KCNMA1: variants seen among roughly 807,000 people sequenced by gnomAD.
KCNMA1 encodes the protein potassium calcium-activated channel subfamily M alpha 1.
In KCNMA1, 29 loss-of-function variants were observed where a neutral mutation model predicts 140.0. The ratio of observed to expected loss-of-function variants is 0.21; its 90% confidence interval spans 0.15 to 0.28. The LOEUF (loss-of-function observed/expected upper bound fraction) is 0.28, where lower values mean the gene tolerates loss of function less well. Among genes scored for constraint, KCNMA1 ranks in the 10% least tolerant of loss-of-function variants. The probability of loss-of-function intolerance (pLI) is 1.00; values close to 1 mark genes in which losing one functional copy is unlikely to be tolerated. For synonymous variants in KCNMA1, 612 were observed against 611.9 expected, an observed-to-expected ratio of 1.00 and a Z score of 0.00; for missense variants, 880 against 1,602.2, an observed-to-expected ratio of 0.55 and a Z score of 7.70.
intron 1 of KCNMA1, among the ~76,000 whole-genome samples, chr10:77,480,695 T>G (rs1442985185): frequency 6.6e-6 from 1 of 152,092 alleles, no homozygotes; most frequent in East Asian, 1.9e-4. Context: ...TCCAAGACTC[T>G]GGAGCCACAG....
At chr10:77,452,355 C>T (rs751661214) in intron 1 of KCNMA1, among the ~76,000 whole-genome samples, 22 of 152,150 alleles carry the variant, frequency 1.4e-4, no homozygotes, top group Non-Finnish European at 8.8e-5. Flanking sequence ...AGCCAGCATT[C>T]TTTGCTAGAT....
intron 5 of KCNMA1, among the ~76,000 whole-genome samples, chr10:77,173,837 G>C (rs140667038): frequency 6.6e-6 from 1 of 152,008 alleles, no homozygotes; most frequent in Admixed American, 6.6e-5. Flanking sequence ...TCCAGGCTTC[G>C]GGCACTGTCA....
chr10:77,507,536 G>A (rs954337347), intron 1 of KCNMA1, among the ~76,000 whole-genome samples: 4 of 152,210 alleles, frequency 2.6e-5, no homozygotes, highest in African/African-American at 9.6e-5. Flanking sequence ...CTTTCCTGCA[G>A]GCAGGCTCCA....
intron 3 of KCNMA1, among the ~76,000 whole-genome samples, chr10:77,237,779 C>A (rs968791953): frequency 6.6e-6 from 1 of 152,180 alleles, no homozygotes; most frequent in East Asian, 1.9e-4. Context: ...GACCTTTTTG[C>A]CCCAGAGTGG....
intron 1 of KCNMA1, among the ~76,000 whole-genome samples, chr10:77,450,392 T>C (rs1434871474): frequency 2.0e-5 from 3 of 152,168 alleles, no homozygotes; most frequent in Non-Finnish European, 4.4e-5. Context: ...AAGCTTTACA[T>C]ATATTATGTA....
chr10:77,511,873 G>C (rs1335325376), intron 1 of KCNMA1, among the ~76,000 whole-genome samples: 1 of 152,174 alleles, frequency 6.6e-6, no homozygotes, highest in Non-Finnish European at 1.5e-5. Context: ...TGTTGCCTGA[G>C]AGACAATGGG....
At chr10:77,231,428 C>T (rs924713996) in intron 3 of KCNMA1, among the ~76,000 whole-genome samples, 1 of 152,142 alleles carries the variant, frequency 6.6e-6, no homozygotes, top group Non-Finnish European at 1.5e-5. Flanking sequence ...GAATATTTTT[C>T]CCTGCTAAAA....
At chr10:76,985,764 C>T (rs921529469) in intron 19 of KCNMA1, among the ~76,000 whole-genome samples, 1 of 152,096 alleles carries the variant, frequency 6.6e-6, no homozygotes, top group Non-Finnish European at 1.5e-5. Flanking sequence ...CCCAAGTACC[C>T]AAGAAAGGCA....
rs149390639 is a variant in KCNMA1, at chr10:76,951,908, C to T, written c.2484+1893G>A. On this transcript the variant is annotated intron_variant, in intron 21 of 27. Coordinates refer to ENST00000286628, the MANE Select transcript of KCNMA1 (RefSeq NM_001161352.2). The stretch of plus-strand genomic sequence containing the variant: ...CAGCCCCACCCTGCTAGAACACAAG[C>T]TCTGTGAGAGCAGTCGTTGTCAGGG... 1,433 of 900,186 alleles carry T rather than the reference C, an allele frequency of 1.6e-3. 2 individuals carry two copies. Among genetic ancestry groups the T allele is most frequent in the Non-Finnish European group, 2.3e-3 (1,348 of 582,366 alleles). 55.8% of individuals were successfully genotyped at this position (900,186 alleles called of 1,614,324 possible).
intron 2 of KCNMA1, among the ~76,000 whole-genome samples, chr10:77,263,971 AATGG>A (rs2062718871): frequency 6.6e-6 from 1 of 152,226 alleles, no homozygotes; most frequent in African/African-American, 2.4e-5. Flanking sequence ...CTCAGAAATA[AATGG>A]TATTTTTGTA....
intron 17 of KCNMA1, among the ~76,000 whole-genome samples, chr10:77,016,839 T>G (rs1235382667): frequency 1.3e-5 from 2 of 152,202 alleles, no homozygotes; most frequent in Non-Finnish European, 2.9e-5. Context: ...CAAGCTAGAA[T>G]TCATTAACTT....
chr10:77,134,922 C>T (rs2097956551), intron 5 of KCNMA1, among the ~76,000 whole-genome samples: 2 of 131,846 alleles, frequency 1.5e-5, no homozygotes, highest in South Asian at 2.5e-4. Flanking sequence ...GGCGTGAACC[C>T]GGGAGGTGGA....
intron 1 of KCNMA1, among the ~76,000 whole-genome samples, chr10:77,522,419 A>C (rs1282862108): frequency 1.3e-5 from 2 of 152,090 alleles, no homozygotes; most frequent in Admixed American, 6.5e-5. Context: ...CCTCCTCCTT[A>C]ACACTCTCCA....
chr10:77,262,494 A>G, intron 2 of KCNMA1, among the ~76,000 whole-genome samples: 1 of 152,008 alleles, frequency 6.6e-6, no homozygotes, highest in East Asian at 1.9e-4. Flanking sequence ...GGATGGTGAT[A>G]TGGTTTGGAT....
At chr10:77,361,557 G>C (rs2093947085) in intron 2 of KCNMA1, among the ~76,000 whole-genome samples, 1 of 152,260 alleles carries the variant, frequency 6.6e-6, no homozygotes, top group Admixed American at 6.5e-5. Context: ...ATGAGATTCA[G>C]AGAGCTCGAA....
chr10:77,212,739 G>A (rs907561910), intron 3 of KCNMA1, among the ~76,000 whole-genome samples: 2 of 151,822 alleles, frequency 1.3e-5, no homozygotes, highest in African/African-American at 4.8e-5. Context: ...TAAGCTGTAT[G>A]GTTAAGGAAA....
At chr10:77,458,053 G>A (rs528955734) in intron 1 of KCNMA1, among the ~76,000 whole-genome samples, 2 of 152,160 alleles carry the variant, frequency 1.3e-5, no homozygotes, top group African/African-American at 2.4e-5. Flanking sequence ...GGGAGCTCAC[G>A]CTAGCTACTA....
intron 13 of KCNMA1, 100 bp from the exon 14 acceptor site, chr10:77,073,352 A>G: frequency 8.2e-7 from 1 of 1,223,744 alleles, no homozygotes; most frequent in Non-Finnish European, 1.2e-6. Flanking sequence ...ACTCAGGGCC[A>G]TCCAGTCTTG....
chr10:77,459,717 T>C (rs1247348563), intron 1 of KCNMA1, among the ~76,000 whole-genome samples: 1 of 152,160 alleles, frequency 6.6e-6, no homozygotes, highest in Non-Finnish European at 1.5e-5. Flanking sequence ...CAGCTTAGCC[T>C]TCCTCCCAGG....
Sources: gnomAD v4.1 joint callset for allele counts (sites outside exome capture counted in the v4.1 genomes callset) on GRCh38, gnomAD v4.1.1 for gene constraint, MANE v1.5 for transcripts, NCBI Gene and HGNC (gene_info 2026-07-23, HGNC 2026-07-21) for gene names.